Variants in TRAF4 observed in about 807,000 individuals in gnomAD.
TRAF4 encodes the protein TNF receptor associated factor 4, also known as TNF receptor-associated factor 4.
A neutral mutation model predicts 47.3 loss-of-function variants in TRAF4; 9 were observed. The observed-to-expected ratio is 0.19, with a 90% CI of 0.11 to 0.33. TRAF4 has a LOEUF of 0.33. TRAF4 is among the 10% of genes least tolerant of loss of function. TRAF4 has a pLI of 1.00. For missense variants in TRAF4, 448 were observed against 620.3 expected, an observed-to-expected ratio of 0.72 and a Z score of 2.95; for synonymous variants, 236 against 236.9, an observed-to-expected ratio of 1.00 and a Z score of 0.04.
At chr17:28,746,753 G>C (rs1198168963) in intron 1 of TRAF4, 1 of 155,338 alleles carries the variant, frequency 6.4e-6, no homozygotes, top group South Asian at 2.0e-4. Context: ...GTGGCCGCAA[G>C]CTGACCTTTG....
At chr17:28,744,524 C>G (rs962091464) in intron 1 of TRAF4, among the ~76,000 whole-genome samples, 1 of 152,148 alleles carries the variant, frequency 6.6e-6, no homozygotes. Flanking sequence ...GGGGAAGAGG[C>G]CCTTCCCCGT....
Position 28,749,584 on chromosome 17 carries a change from G to C in TRAF4, c.*7G>C. On this transcript the variant is annotated 3_prime_UTR_variant, in exon 7 of 7. Coordinates refer to ENST00000262395, the MANE Select transcript of TRAF4 (RefSeq NM_004295.4). Reference sequence around the variant, plus strand: ...CCGGAAGATCCTCAGCTGAGTGCAGGTGGGGTTCGAGGGGAAAGGACGATG... The same window carrying C: ...CCGGAAGATCCTCAGCTGAGTGCAGCTGGGGTTCGAGGGGAAAGGACGATG... 6.2e-7 allele frequency: 1 copy of C among 1,606,668 alleles called. No homozygotes were observed. The highest frequency in any genetic ancestry group is 8.5e-7 in the Non-Finnish European group (1 of 1,175,686).
At chr17:28,745,951 C>G (rs2034506999) in intron 1 of TRAF4, among the ~76,000 whole-genome samples, 1 of 152,264 alleles carries the variant, frequency 6.6e-6, no homozygotes, top group Admixed American at 6.5e-5. Context: ...CCTCTTTCCC[C>G]ACTCCTGCCT....
rs2034588107 is a variant in TRAF4, at chr17:28,750,711, A to G, written c.*1134A>G. ...GCATGTGATTATCCACGTTTCACCT[A>G]TGAAACATGAACAGAGGAGACTGAC... On this transcript the variant is annotated 3_prime_UTR_variant, in exon 7 of 7. Transcript: ENST00000262395. The G allele has an allele frequency of 6.6e-6, 1 of 152,228 alleles. No homozygotes were observed. Among genetic ancestry groups the G allele is most frequent in the African/African-American group, 2.4e-5 (1 of 41,456 alleles). 9.4% of individuals were successfully genotyped at this position (152,228 alleles called of 1,614,324 possible). A position where few individuals can be genotyped will look rare whatever the true frequency, so the allele number is the denominator to read the frequency against.
intron 1 of TRAF4, 121 bp from the exon 2 acceptor site, chr17:28,747,092 T>C (rs1254615607): frequency 9.3e-7 from 1 of 1,074,390 alleles, no homozygotes; most frequent in Non-Finnish European, 1.3e-6. Context: ...CCCTTTTGTC[T>C]CATCTAGGCT....
rs1413548326 is a variant in TRAF4, at chr17:28,749,220, C to T, written c.1056C>T (p.Leu352=). Residue 352 remains leucine, a synonymous_variant, in exon 7 of 7, where the codon CTC becomes CTT. Transcript: ENST00000262395. ...ACAAGCTGCAGGTGTCTGCATTCCTCAATGGCAATGGCAGTGGTGAGGGCA... is the reference window on the plus strand; with the variant it reads ...ACAAGCTGCAGGTGTCTGCATTCCTTAATGGCAATGGCAGTGGTGAGGGCA... ...YGYKLQVSAF[L]NGNGSGEGTH... The T allele has an allele frequency of 2.5e-6, 4 of 1,614,116 alleles. No homozygotes were observed. The highest frequency in any genetic ancestry group is 3.4e-6 in the Non-Finnish European group (4 of 1,180,040).
intron 1 of TRAF4, chr17:28,746,723 AAGG>A (rs1180106028): frequency 6.5e-6 from 1 of 153,462 alleles, no homozygotes; most frequent in Non-Finnish European, 1.5e-5. Context: ...CACACCCTCA[AAGG>A]AGCAGGGCAG....
chr17:28,744,394 G>A, intron 1 of TRAF4, 139 bp downstream of exon 1: 1 of 1,015,192 alleles, frequency 9.9e-7, no homozygotes, highest in Non-Finnish European at 1.4e-6. Flanking sequence ...GTGACGTCAC[G>A]GGGAGGGATG....
In TRAF4 at chr17:28,747,837, C is replaced by G; in HGVS notation, c.196-6C>G. The G allele has an allele frequency of 6.2e-7, 1 of 1,612,068 alleles. No homozygotes were observed. The highest frequency in any genetic ancestry group is 8.5e-7 in the Non-Finnish European group (1 of 1,179,364). On this transcript the variant is annotated splice_polypyrimidine_tract_variant and splice_region_variant and intron_variant, in intron 2 of 6. Coordinates refer to ENST00000262395, the MANE Select transcript of TRAF4 (RefSeq NM_004295.4). ...CCCTGGCCAGTTCCCCCATCCCTAC[C>G]CCCAGATCTACCCAGACCCGGAGCT...
chr17:28,748,912 CCCTT>C lies in TRAF4; in HGVS notation c.781-30_781-27del, dbSNP rs1204395064. On this transcript the variant is annotated intron_variant, in intron 6 of 6. Transcript: ENST00000262395. The stretch of plus-strand genomic sequence containing the variant: ...ACCTCCCCCTACTGATAACTCTCCT[CCCTT>C]CCCCCATGGCCTGGGGCTTTGCCAA... 8.8e-6 allele frequency: 14 copies of C among 1,583,894 alleles called. No homozygotes were observed. The Admixed American group carries it at 1.7e-4, about 19-fold the overall frequency.
chr17:28,747,159 A>G (rs2034525484), intron 1 of TRAF4, 54 bp from the exon 2 acceptor site: 14 of 1,588,014 alleles, frequency 8.8e-6, no homozygotes, highest in African/African-American at 1.3e-5. Context: ...GGGTGGGGCC[A>G]GGCCTCCCTT....
Position 28,749,740 on chromosome 17 carries a change from G to C in TRAF4, c.*163G>C, listed in dbSNP as rs2034573563. ...CACCACCCTCAGGTGCCTCCAATTGGTGCTTCAGCCCTGGCCCCTGTGGGG... is the reference window on the plus strand; with the variant it reads ...CACCACCCTCAGGTGCCTCCAATTGCTGCTTCAGCCCTGGCCCCTGTGGGG... On this transcript the variant is annotated 3_prime_UTR_variant, in exon 7 of 7. Coordinates refer to ENST00000262395, the MANE Select transcript of TRAF4 (RefSeq NM_004295.4). 8.2e-7 allele frequency: 1 copy of C among 1,218,870 alleles called. No individual in the cohort carries two copies. The highest frequency in any genetic ancestry group is 2.0e-5 in the Admixed American group (1 of 50,530). 75.5% of individuals were successfully genotyped at this position (1,218,870 alleles called of 1,614,324 possible).
chr17:28,749,133 G>A lies in TRAF4; in HGVS notation c.969G>A (p.Glu323=). 1 of 1,614,092 alleles carries A rather than the reference G, an allele frequency of 6.2e-7. No homozygotes were observed. Among genetic ancestry groups the A allele is most frequent in the East Asian group, 2.2e-5 (1 of 44,882 alleles). Residue 323 remains glutamate, a synonymous_variant, in exon 7 of 7, where the codon GAG becomes GAA. Transcript: ENST00000262395. The part of the protein sequence containing the change: ...KIGSYGRRLQ[E]AKAKPNLECF... ...GCAGCTATGGACGGCGGCTACAGGA[G>A]GCCAAGGCCAAGCCCAACCTTGAGT...
chr17:28,749,662 C>A lies in TRAF4; in HGVS notation c.*85C>A. On this transcript the variant is annotated 3_prime_UTR_variant, in exon 7 of 7. Transcript: ENST00000262395. ...GAACTTGGAGAGGGGGCCGGACCCC[C>A]GTCAGCTGCTTCTGCTGCCTAGGTT... is the stretch of plus-strand genomic sequence containing the variant. 1.9e-6 allele frequency: 3 copies of A among 1,574,316 alleles called. No individual in the cohort carries two copies. Among genetic ancestry groups the A allele is most frequent in the Non-Finnish European group, 2.6e-6 (3 of 1,160,054 alleles).
Position 28,744,210 on chromosome 17 carries a change from C to T in TRAF4, c.98C>T (p.Thr33Ile), listed in dbSNP as rs769242804. 6.3e-7 allele frequency: 1 copy of T among 1,591,904 alleles called. No individual in the cohort carries two copies. Among genetic ancestry groups the T allele is most frequent in the South Asian group, 1.1e-5 (1 of 90,714 alleles). The change falls in exon 1 of 7, where the codon ACC (threonine) becomes ATC (isoleucine). Residue 33 changes from threonine (T) to isoleucine (I), a missense_variant. By Grantham distance (89) the Thr-to-Ile change is moderately conservative. Transcript: ENST00000262395. ...ATGCGCGAGCCTGTGCAGGTTTCCA[C>T]CTGCGGCCACCGTTTCTGCGATACC... ...KPMREPVQVS[T>I]CGHRFCDTCL... is the part of the protein sequence containing the mutation.
intron 5 of TRAF4, 24 bp downstream of exon 5, chr17:28,748,447 G>A (rs1327101506): frequency 1.2e-6 from 2 of 1,606,082 alleles, no homozygotes; most frequent in South Asian, 1.1e-5. Context: ...TGAACTGTGG[G>A]TTGCAGGGTA....
chr17:28,748,991 C>G lies in TRAF4; in HGVS notation c.827C>G (p.Pro276Arg), dbSNP rs2034559796. Reference sequence around the variant, plus strand: ...CGGCATGTGGAGGAGAGTGTGAAGCCACATCTGGCCATGATGTGTGCCCTG... The same window carrying G: ...CGGCATGTGGAGGAGAGTGTGAAGCGACATCTGGCCATGATGTGTGCCCTG... ...MARHVEESVK[P>R]HLAMMCALVS... The change falls in exon 7 of 7, where the codon CCA (proline) becomes CGA (arginine). Residue 276 changes from proline to arginine, a missense_variant. By Grantham distance (103) the Pro-to-Arg change is moderately radical (BLOSUM62 -2). Transcript: ENST00000262395. 6.2e-7 allele frequency: 1 copy of G among 1,613,416 alleles called. No homozygotes were observed. Among genetic ancestry groups the G allele is most frequent in the South Asian group, 1.1e-5 (1 of 91,086 alleles).
chr17:28,748,687 T>C (rs755371885), intron 6 of TRAF4, 21 bp downstream of exon 6: 20 of 1,604,764 alleles, frequency 1.2e-5, no homozygotes, highest in Non-Finnish European at 1.6e-5. Context: ...CCTTTTCCTG[T>C]CAGCCCCCTT....
rs1295794038 is a variant in TRAF4 at position 28,748,155 on chromosome 17, G to A, written c.439G>A (p.Asp147Asn). The change falls in exon 4 of 7, where the codon GAC becomes AAC. Residue 147 changes from aspartate to asparagine, a missense_variant. Physicochemically the swap from Asp to Asn is conservative, Grantham distance 23 (BLOSUM62 1). Coordinates refer to ENST00000262395, the MANE Select transcript of TRAF4 (RefSeq NM_004295.4). ...CCTCAAGTGCGAGTTTTGTGGCTGT[G>A]ACTTCAGTGGGGAGGCCTATGAGGT... is the stretch of plus-strand genomic sequence containing the variant. The part of the protein sequence containing the change: ...RRLKCEFCGC[D>N]FSGEAYESHE... 1.9e-6 allele frequency: 3 copies of A among 1,614,014 alleles called. No homozygotes were observed. The highest frequency in any genetic ancestry group is 2.5e-6 in the Non-Finnish European group (3 of 1,180,032).
Sources: gnomAD v4.1 joint callset for allele counts (sites outside exome capture counted in the v4.1 genomes callset) on GRCh38, gnomAD v4.1.1 for gene constraint, MANE v1.5 for transcripts, NCBI Gene and HGNC (gene_info 2026-07-23, HGNC 2026-07-21) for gene names.